The following NHLRC2 variants were observed in gnomAD, a reference collection of about 807,000 sequenced individuals.
NHLRC2 encodes NHL repeat containing 2.
Under a neutral mutation model 68.1 loss-of-function variants are expected in NHLRC2, and 33 were observed. The ratio of observed to expected loss-of-function variants is 0.48; its 90% CI spans 0.37 to 0.65. The LOEUF is 0.65. NHLRC2 is among the 30% of genes least tolerant of loss of function. The pLI is 0.00. For missense variants in NHLRC2, 761 were observed against 853.8 expected (o/e 0.89, Z 1.35); for synonymous variants, 311 against 309.6 (o/e 1.00, Z -0.05).
In NHLRC2 at chr10:113,909,442, GT is replaced by G. The variant is rs1404063319; in HGVS notation, c.*909del. ...TAAGCATTAAATGCAGATTTGTTGA[GT>G]TTAGGTTTTGAGGTTTTTTTCGTTC... On this transcript the variant is annotated 3_prime_UTR_variant, in exon 11 of 11. Coordinates refer to ENST00000369301, the MANE Select transcript of NHLRC2 (RefSeq NM_198514.4). The G allele has an allele frequency of 6.6e-6, 1 of 152,074 alleles. No individual in the cohort carries two copies. Among genetic ancestry groups the G allele is most frequent in the Non-Finnish European group, 1.5e-5 (1 of 67,976 alleles). The allele number at this position is 152,074 out of a possible 1,614,324, so 9.4% of individuals were successfully genotyped here. A position where few individuals can be genotyped will look rare whatever the true frequency, so the allele number is the denominator to read the frequency against.
intron 4 of NHLRC2, among the ~76,000 whole-genome samples, chr10:113,881,505 C>G (rs892863169): frequency 2.6e-5 from 4 of 151,552 alleles, no homozygotes; most frequent in Non-Finnish European, 5.9e-5. Context: ...TCATGGCTCA[C>G]GAACATTGTT....
intron 5 of NHLRC2, among the ~76,000 whole-genome samples, chr10:113,887,365 T>C (rs1182231062): frequency 6.6e-6 from 1 of 152,198 alleles, no homozygotes; most frequent in Non-Finnish European, 1.5e-5. Flanking sequence ...GGCATTTAAA[T>C]TGCTGTGTCA....
chr10:113,891,919 G>T (rs1185986456), intron 5 of NHLRC2, among the ~76,000 whole-genome samples: 1 of 152,132 alleles, frequency 6.6e-6, no homozygotes, highest in Non-Finnish European at 1.5e-5. Flanking sequence ...GATTGGTTTG[G>T]GGAGCCTCCT....
intron 5 of NHLRC2, among the ~76,000 whole-genome samples, chr10:113,895,915 T>C (rs1362675503): frequency 6.6e-6 from 1 of 152,174 alleles, no homozygotes; most frequent in Non-Finnish European, 1.5e-5. Context: ...AACATAATCA[T>C]TTACATTTTT....
intron 9 of NHLRC2, among the ~76,000 whole-genome samples, chr10:113,904,252 C>T (rs1261743368): frequency 6.6e-6 from 1 of 151,758 alleles, no homozygotes; most frequent in African/African-American, 2.4e-5. Context: ...GAGTTATAGT[C>T]AGTTTTTAAA....
chr10:113,895,668 A>G (rs1415777123), intron 5 of NHLRC2, among the ~76,000 whole-genome samples: 2 of 152,102 alleles, frequency 1.3e-5, no homozygotes, highest in African/African-American at 2.4e-5. Context: ...TATTCCTTCC[A>G]GTAATCTTAT....
At position 113,913,037 on chromosome 10, in the gene NHLRC2, A is replaced by T. The variant is rs1236546552; in HGVS notation, c.*4501A>T. 6 of 152,216 alleles carry T rather than the reference A, an allele frequency of 3.9e-5. No individual in the cohort carries two copies. The highest frequency in any genetic ancestry group is 8.8e-5 in the Non-Finnish European group (6 of 68,038). 9.4% of individuals were successfully genotyped at this position (152,216 alleles called of 1,614,324 possible). A position where few individuals can be genotyped will look rare whatever the true frequency, so the allele number is the denominator to read the frequency against. The stretch of plus-strand genomic sequence containing the variant: ...GAGTTCTTTCTATTTTCCAGCACTC[A>T]TCTATTAAGTGCTTTTATGTATTAA... On this transcript the variant is annotated 3_prime_UTR_variant, in exon 11 of 11. Coordinates refer to ENST00000369301, the MANE Select transcript of NHLRC2 (RefSeq NM_198514.4).
chr10:113,905,503 T>C (rs1204239820), intron 10 of NHLRC2, among the ~76,000 whole-genome samples: 2 of 152,196 alleles, frequency 1.3e-5, no homozygotes, highest in African/African-American at 4.8e-5. Context: ...ATTTCATTAA[T>C]CTATGGTAAG....
intron 2 of NHLRC2, chr10:113,858,938 C>A: frequency 3.3e-6 from 1 of 298,670 alleles, no homozygotes; most frequent in East Asian, 5.5e-5. Flanking sequence ...TGCTATTTTT[C>A]ATGATCAGAT....
At position 113,908,367 on chromosome 10, in the gene NHLRC2, A is replaced by G; in HGVS notation, c.2012A>G (p.Asp671Gly). The G allele has an allele frequency of 6.2e-7, 1 of 1,614,006 alleles. No individual in the cohort carries two copies. Among genetic ancestry groups the G allele is most frequent in the Non-Finnish European group, 8.5e-7 (1 of 1,179,852 alleles). The change falls in exon 11 of 11, where the codon GAT becomes GGT. Residue 671 changes from aspartate (D) to glycine (G), a missense_variant. Asp to Gly is a moderately conservative substitution (Grantham distance 94, BLOSUM62 -1). Coordinates refer to ENST00000369301, the MANE Select transcript of NHLRC2 (RefSeq NM_198514.4). ...SQPTISLQIP[D>G]DCLSLEAIVS... ...CCAACAATTTCACTACAAATTCCTG[A>G]TGATTGCTTATCACTTGAAGCCATT...
Position 113,915,389 on chromosome 10 carries a change from A to G in NHLRC2, c.*6853A>G, listed in dbSNP as rs1311718315. The G allele has an allele frequency of 5.4e-6, 2 of 371,664 alleles. No homozygotes were observed. The allele number at this position is 371,664 out of a possible 1,614,324, so 23.0% of individuals were successfully genotyped here. ...TGAATTCCTTCCTCTTTAAGCAGCA[A>G]CTTACCACAGGCTTGGTGGCTTTAA... On this transcript the variant is annotated 3_prime_UTR_variant, in exon 11 of 11. Coordinates refer to ENST00000369301, the MANE Select transcript of NHLRC2 (RefSeq NM_198514.4).
chr10:113,872,044 GAGA>G (rs1564852039), intron 2 of NHLRC2, among the ~76,000 whole-genome samples: 4 of 152,122 alleles, frequency 2.6e-5, no homozygotes, highest in Non-Finnish European at 5.9e-5. Context: ...CCCCCAGAAA[GAGA>G]AGCTCCAATA....
rs1454821581 is a variant in NHLRC2, at chr10:113,910,516, T to G, written c.*1980T>G. ...CCTTGCCCTACTGGCCTTAGTTAATTTTTAATCTCATTTGACTTATTATGT... is the reference window on the plus strand; with the variant it reads ...CCTTGCCCTACTGGCCTTAGTTAATGTTTAATCTCATTTGACTTATTATGT... On this transcript the variant is annotated 3_prime_UTR_variant, in exon 11 of 11. Transcript: ENST00000369301. 1 of 152,188 alleles carries G rather than the reference T, an allele frequency of 6.6e-6. No homozygotes were observed. Among genetic ancestry groups the G allele is most frequent in the Non-Finnish European group, 1.5e-5 (1 of 68,036 alleles). The allele number at this position is 152,188 out of a possible 1,614,324, so 9.4% of individuals were successfully genotyped here. A position where few individuals can be genotyped will look rare whatever the true frequency, so the allele number is the denominator to read the frequency against.
chr10:113,860,054 G>A (rs1845801127), intron 2 of NHLRC2, among the ~76,000 whole-genome samples: 1 of 152,188 alleles, frequency 6.6e-6, no homozygotes, highest in African/African-American at 2.4e-5. Context: ...AAAGTAAAAG[G>A]AGACAAAGGT....
intron 5 of NHLRC2, among the ~76,000 whole-genome samples, chr10:113,895,871 G>T (rs556433630): frequency 6.6e-6 from 1 of 152,248 alleles, no homozygotes; most frequent in African/African-American, 2.4e-5. Context: ...ACATTTCATT[G>T]AGAAAAATGG....
intron 6 of NHLRC2, among the ~76,000 whole-genome samples, chr10:113,899,618 G>A (rs79537258): frequency 2.6e-5 from 4 of 152,128 alleles, no homozygotes; most frequent in Admixed American, 6.5e-5. Flanking sequence ...AAAAGGAATC[G>A]CTGCAAATTG....
At chr10:113,872,964 G>A (rs1481824456) in intron 2 of NHLRC2, among the ~76,000 whole-genome samples, 2 of 152,076 alleles carry the variant, frequency 1.3e-5, no homozygotes, top group Non-Finnish European at 1.5e-5. Context: ...GGCCTACCAG[G>A]TACCGGGGGT....
At chr10:113,888,524 A>G (rs1209442249) in intron 5 of NHLRC2, among the ~76,000 whole-genome samples, 2 of 152,218 alleles carry the variant, frequency 1.3e-5, no homozygotes, top group African/African-American at 2.4e-5. Context: ...ATGTAAATGC[A>G]TGTGTTTATG....
In NHLRC2 at chr10:113,915,105, C is replaced by T; in HGVS notation, c.*6569C>T. The T allele has an allele frequency of 2.2e-6, 1 of 456,220 alleles. No individual in the cohort carries two copies. Among genetic ancestry groups the T allele is most frequent in the South Asian group, 1.5e-5 (1 of 64,556 alleles). The allele number at this position is 456,220 out of a possible 1,614,324, so 28.3% of individuals were successfully genotyped here. ...AGGGTTGGAGTTGGAAAGTGAAAAC[C>T]CTAGACACTTGCTGTGGAATGTTTG... On this transcript the variant is annotated 3_prime_UTR_variant, in exon 11 of 11. Transcript: ENST00000369301.
Sources: allele counts gnomAD v4.1 joint callset (sites outside exome capture counted in the v4.1 genomes callset), GRCh38; gene constraint gnomAD v4.1.1; transcripts MANE v1.5; gene names NCBI Gene and HGNC (gene_info 2026-07-23, HGNC 2026-07-21).